Variants in TBC1D5 observed in about 807,000 individuals in gnomAD.
The protein encoded by TBC1D5 is TBC1 domain family member 5, also known as TBC1 domain family, member 5.
A neutral mutation model predicts 100.3 loss-of-function variants in TBC1D5; 75 were observed. That is an observed-to-expected ratio of 0.75 (90% CI 0.62 to 0.91). The LOEUF is 0.91. Ranked by LOEUF, TBC1D5 falls within the 40% of genes least tolerant of loss-of-function variation. TBC1D5 has a pLI of 0.00. For synonymous variants in TBC1D5, 323 were observed against 325.6 expected (o/e 0.99, Z 0.09); for missense variants, 910 against 942.4 (o/e 0.97, Z 0.45).
chr3:17,652,674 TA>T (rs1213842598), intron 1 of TBC1D5, among the ~76,000 whole-genome samples: 1 of 152,224 alleles, frequency 6.6e-6, no homozygotes, highest in Non-Finnish European at 1.5e-5. Flanking sequence ...CTTCAGGTTT[TA>T]AAACATAACT....
intron 1 of TBC1D5, among the ~76,000 whole-genome samples, chr3:17,628,403 T>C (rs1056543856): frequency 6.6e-6 from 1 of 150,702 alleles, no homozygotes; most frequent in African/African-American, 2.4e-5. Context: ...ACACCCAATT[T>C]GCATGGTAGA....
chr3:17,654,291 A>AAATCTGT (rs1296373899), intron 1 of TBC1D5, among the ~76,000 whole-genome samples: 2 of 152,198 alleles, frequency 1.3e-5, no homozygotes, highest in Non-Finnish European at 2.9e-5. Flanking sequence ...GTTTTACTTT[A>AAATCTGT]AATCTGTAAC....
At chr3:17,308,037 C>T (rs1559599700) in exon 14 of TBC1D5, 1 of 1,610,148 alleles carries the variant, frequency 6.2e-7, no homozygotes, top group Non-Finnish European at 8.5e-7. Context: ...ATATAATCTA[C>T]TAAACCCAGG....
intron 15 of TBC1D5, among the ~76,000 whole-genome samples, chr3:17,286,946 A>T (rs1000642853): frequency 6.6e-6 from 1 of 152,106 alleles, no homozygotes; most frequent in Non-Finnish European, 1.5e-5. Flanking sequence ...CAGTTCTAAA[A>T]CTCTGACAGC....
chr3:17,315,452 A>G (rs2084578608), intron 13 of TBC1D5, among the ~76,000 whole-genome samples: 1 of 152,180 alleles, frequency 6.6e-6, no homozygotes, highest in African/African-American at 2.4e-5. Context: ...ATGGTCATCT[A>G]TTTTGTGTTC....
At chr3:17,429,872 T>C (rs957848675) in intron 3 of TBC1D5, among the ~76,000 whole-genome samples, 13 of 151,902 alleles carry the variant, frequency 8.6e-5, no homozygotes, top group Admixed American at 5.9e-4. Context: ...GCCTGCTTAT[T>C]AAACTTTCAA....
intron 15 of TBC1D5, among the ~76,000 whole-genome samples, chr3:17,260,834 A>G (rs2078215928): frequency 6.6e-6 from 1 of 152,254 alleles, no homozygotes; most frequent in Non-Finnish European, 1.5e-5. Flanking sequence ...TATTTAATTC[A>G]GTATATCTAA....
chr3:17,302,634 C>T (rs143877923), intron 14 of TBC1D5, among the ~76,000 whole-genome samples: 45 of 152,230 alleles, frequency 3.0e-4, no homozygotes, highest in African/African-American at 1.0e-3. Context: ...GAAAGGCATA[C>T]CTACACAATA....
At chr3:17,641,238 T>C (rs1246383234) in intron 1 of TBC1D5, among the ~76,000 whole-genome samples, 1 of 152,058 alleles carries the variant, frequency 6.6e-6, no homozygotes, top group Non-Finnish European at 1.5e-5. Flanking sequence ...ATGCCCTTGA[T>C]CCAGGAAAAT....
chr3:17,235,907 T>G (rs548774196), intron 17 of TBC1D5, among the ~76,000 whole-genome samples: 19 of 149,262 alleles, frequency 1.3e-4, no homozygotes, highest in East Asian at 3.9e-4. Flanking sequence ...AAATTTTTGT[T>G]TTTTTTTTTT....
intron 3 of TBC1D5, among the ~76,000 whole-genome samples, chr3:17,499,679 C>T (rs1163949731): frequency 6.9e-6 from 1 of 145,050 alleles, no homozygotes. Flanking sequence ...AAAAGTGAAA[C>T]ACTGTCTCCA....
chr3:17,457,333 T>C (rs566171879), intron 3 of TBC1D5, among the ~76,000 whole-genome samples: 1 of 152,268 alleles, frequency 6.6e-6, no homozygotes, highest in Admixed American at 6.5e-5. Context: ...CCATTTGATA[T>C]TTCTCATGGT....
chr3:17,437,423 G>T (rs1295802543), intron 3 of TBC1D5, among the ~76,000 whole-genome samples: 5 of 152,030 alleles, frequency 3.3e-5, no homozygotes. Flanking sequence ...GAGTAGGCCA[G>T]AATCAATCAA....
chr3:17,721,661 G>C (rs890241086), intron 1 of TBC1D5, among the ~76,000 whole-genome samples: 1 of 151,938 alleles, frequency 6.6e-6, no homozygotes, highest in African/African-American at 2.4e-5. Flanking sequence ...GACAGAGTGA[G>C]ACCCTGTCTC....
intron 1 of TBC1D5, among the ~76,000 whole-genome samples, chr3:17,699,504 T>C (rs1254294702): frequency 7.0e-6 from 1 of 141,850 alleles, no homozygotes; most frequent in African/African-American, 2.6e-5. Flanking sequence ...GTAACTAACC[T>C]GCACATTGTG....
intron 9 of TBC1D5, among the ~76,000 whole-genome samples, chr3:17,380,609 G>C (rs548575202): frequency 1.3e-5 from 2 of 152,098 alleles, no homozygotes; most frequent in Admixed American, 1.3e-4. Context: ...CTGCTTAAAA[G>C]CCTTTATCCC....
At chr3:17,335,931 C>T (rs143904106) in intron 13 of TBC1D5, among the ~76,000 whole-genome samples, 1 of 152,162 alleles carries the variant, frequency 6.6e-6, no homozygotes, top group African/African-American at 2.4e-5. Flanking sequence ...TGGCTTCTTT[C>T]CTTGTTTTCT....
chr3:17,616,236 C>T (rs1328002445), intron 2 of TBC1D5, among the ~76,000 whole-genome samples: 1 of 150,760 alleles, frequency 6.6e-6, no homozygotes, highest in Non-Finnish European at 1.5e-5. Flanking sequence ...AATTTGATTG[C>T]ACTGTGGTCT....
chr3:17,190,049 T>A (rs1425627601), intron 18 of TBC1D5, among the ~76,000 whole-genome samples: 1 of 152,246 alleles, frequency 6.6e-6, no homozygotes, highest in Admixed American at 6.5e-5. Flanking sequence ...ATGTTAGGTA[T>A]CTCAGCTGTT....
Sources: allele counts gnomAD v4.1 joint callset (sites outside exome capture counted in the v4.1 genomes callset), GRCh38; gene constraint gnomAD v4.1.1; transcripts MANE v1.5; gene names NCBI Gene and HGNC (gene_info 2026-07-23, HGNC 2026-07-21).